TMEM114: variants seen among roughly 807,000 people sequenced by gnomAD.
The protein encoded by TMEM114 is transmembrane protein 114, also known as claudin-26.
A neutral mutation model predicts 6.2 loss-of-function variants in TMEM114; 6 were observed. The observed-to-expected ratio is 0.97, with a 90% CI of 0.53 to 1.91. TMEM114 has a LOEUF of 1.91. Among genes scored for constraint, TMEM114 ranks in the 40% most tolerant of loss-of-function variants. TMEM114 has a pLI of 0.01. For missense variants in TMEM114, 218 were observed against 158.3 expected, an observed-to-expected ratio of 1.38 and a Z score of -2.02; for synonymous variants, 104 against 73.0, an observed-to-expected ratio of 1.42 and a Z score of -2.16.
chr16:8,562,077 T>A (rs938211227), intron 2 of TMEM114, among the ~76,000 whole-genome samples: 2 of 149,664 alleles, frequency 1.3e-5, no homozygotes, highest in African/African-American at 4.9e-5. Flanking sequence ...AATGAGTGAG[T>A]GAATGAATGA....
intron 2 of TMEM114, among the ~76,000 whole-genome samples, chr16:8,585,843 A>C (rs1419167595): frequency 1.3e-5 from 2 of 152,162 alleles, no homozygotes; most frequent in Non-Finnish European, 2.9e-5. Flanking sequence ...AATTATCCTC[A>C]TTTTGCACAG....
chr16:8,527,493 A>C, the TMEM114 span, among the ~76,000 whole-genome samples: 2 of 152,154 alleles, frequency 1.3e-5, no homozygotes, highest in Admixed American at 1.3e-4. Context: ...GTGAGCACAA[A>C]ATAAGATAAC....
At chr16:8,563,705 ATGAG>A (rs1334458425) in intron 2 of TMEM114, among the ~76,000 whole-genome samples, 31 of 146,998 alleles carry the variant, frequency 2.1e-4, no homozygotes, top group East Asian at 1.6e-3. Context: ...GAGTTAGTGA[ATGAG>A]TGAGTGAGTG....
chr16:8,569,059 A>G (rs1269575335), downstream of TMEM114, among the ~76,000 whole-genome samples: 1 of 152,168 alleles, frequency 6.6e-6, no homozygotes, highest in Non-Finnish European at 1.5e-5. Context: ...CATCAGCCCG[A>G]GAGTATCAAC....
At chr16:8,578,427 C>T (rs578091644) in intron 2 of TMEM114, among the ~76,000 whole-genome samples, 2 of 152,258 alleles carry the variant, frequency 1.3e-5, no homozygotes, top group South Asian at 2.1e-4. Context: ...ACGTGGCCAC[C>T]TTCTCCCCTT....
chr16:8,586,931 T>C (rs1902340973), intron 2 of TMEM114, among the ~76,000 whole-genome samples: 1 of 152,100 alleles, frequency 6.6e-6, no homozygotes, highest in Non-Finnish European at 1.5e-5. Context: ...ACATTCCAGG[T>C]GTCTAGGGTA....
exon 3 of TMEM114, chr16:8,537,778 T>G (rs1900402629): frequency 6.6e-6 from 1 of 152,138 alleles, no homozygotes; most frequent in African/African-American, 2.4e-5. Flanking sequence ...TTCTATTGAT[T>G]GACTGTTAAT....
chr16:8,582,954 G>A (rs1334476898), intron 2 of TMEM114, among the ~76,000 whole-genome samples: 1 of 152,050 alleles, frequency 6.6e-6, no homozygotes, highest in Non-Finnish European at 1.5e-5. Context: ...GGAAAGGCAG[G>A]GAAAGGCAGG....
intron 2 of TMEM114, among the ~76,000 whole-genome samples, chr16:8,552,436 G>C (rs1900874934): frequency 6.6e-6 from 1 of 151,994 alleles, no homozygotes; most frequent in South Asian, 2.1e-4. Context: ...GCTCCTTTGA[G>C]GTGATTGAAA....
At chr16:8,579,010 G>C (rs1453060865) in intron 2 of TMEM114, among the ~76,000 whole-genome samples, 1 of 152,062 alleles carries the variant, frequency 6.6e-6, no homozygotes, top group Non-Finnish European at 1.5e-5. Flanking sequence ...ATATTGGCAG[G>C]CCATTGTTTC....
chr16:8,534,041 C>T (rs2141641518), downstream of TMEM114, among the ~76,000 whole-genome samples: 1 of 152,354 alleles, frequency 6.6e-6, no homozygotes, highest in East Asian at 1.9e-4. Flanking sequence ...ATTTGCTTCA[C>T]TTCTCCCTCC....
intron 2 of TMEM114, among the ~76,000 whole-genome samples, chr16:8,573,617 T>G (rs1392272046): frequency 6.6e-6 from 1 of 152,164 alleles, no homozygotes; most frequent in African/African-American, 2.4e-5. Flanking sequence ...GTGTATTGGT[T>G]GTTTACTATG....
downstream of TMEM114, chr16:8,537,498 C>A (rs1377328713): frequency 6.6e-6 from 1 of 152,070 alleles, no homozygotes; most frequent in East Asian, 1.9e-4. Flanking sequence ...GAGACTCCAT[C>A]TCAAAAACAA....
intron 2 of TMEM114, among the ~76,000 whole-genome samples, chr16:8,538,297 A>G (rs1046593001): frequency 1.3e-5 from 2 of 151,798 alleles, no homozygotes; most frequent in African/African-American, 4.8e-5. Flanking sequence ...TCAAAAATAA[A>G]AAAAAAAAGA....
At chr16:8,558,993 T>C (rs969558554) in intron 2 of TMEM114, among the ~76,000 whole-genome samples, 6 of 151,572 alleles carry the variant, frequency 4.0e-5, no homozygotes, top group Non-Finnish European at 5.9e-5. Flanking sequence ...TCCACCCACC[T>C]CAGCCTCCCA....
downstream of TMEM114, among the ~76,000 whole-genome samples, chr16:8,534,522 C>A (rs1237427976): frequency 6.6e-6 from 1 of 152,150 alleles, no homozygotes; most frequent in Non-Finnish European, 1.5e-5. Flanking sequence ...CCGTAGACAT[C>A]CCTCTCTCCT....
At chr16:8,557,540 A>AAT (rs1555462869) in intron 2 of TMEM114, among the ~76,000 whole-genome samples, 1 of 152,214 alleles carries the variant, frequency 6.6e-6, no homozygotes, top group African/African-American at 2.4e-5. Context: ...GACCACAAGC[A>AAT]ATATACAAGG....
chr16:8,587,909 G>C (rs1450567540), intron 2 of TMEM114, among the ~76,000 whole-genome samples: 1 of 151,820 alleles, frequency 6.6e-6, no homozygotes, highest in Non-Finnish European at 1.5e-5. Flanking sequence ...CAAGACTTTG[G>C]GAGGCCAAGG....
At chr16:8,562,869 T>G (rs1306049956) in intron 2 of TMEM114, among the ~76,000 whole-genome samples, 1 of 149,130 alleles carries the variant, frequency 6.7e-6, no homozygotes, top group African/African-American at 2.5e-5. Context: ...AATGAGTGAG[T>G]AAATGAGTGA....
Sources: allele counts gnomAD v4.1 joint callset (sites outside exome capture counted in the v4.1 genomes callset), GRCh38; gene constraint gnomAD v4.1.1; transcripts MANE v1.5; gene names NCBI Gene and HGNC (gene_info 2026-07-23, HGNC 2026-07-21).